PTPRG: variants seen among roughly 807,000 people sequenced by gnomAD.
PTPRG encodes receptor-type tyrosine-protein phosphatase gamma.
PTPRG carries 102 observed loss-of-function variants against 165.3 expected under a neutral mutation model. That is an observed-to-expected ratio of 0.62 (90% CI 0.53 to 0.73). PTPRG has a LOEUF of 0.73. Among genes scored for constraint, PTPRG ranks in the 30% least tolerant of loss-of-function variants. PTPRG has a pLI of 0.00. For missense variants in PTPRG, 1,866 were observed against 1,861.4 expected (o/e 1.00, Z -0.05); for synonymous variants, 675 against 669.5 (o/e 1.01, Z -0.13).
intron 1 of PTPRG, among the ~76,000 whole-genome samples, chr3:61,748,621 A>C (rs914805725): frequency 1.7e-4 from 26 of 152,116 alleles, no homozygotes; most frequent in African/African-American, 6.3e-4. Context: ...AACTAAGATA[A>C]TGTATATGAA....
At chr3:61,798,422 A>G (rs2035124388) in intron 2 of PTPRG, among the ~76,000 whole-genome samples, 1 of 152,164 alleles carries the variant, frequency 6.6e-6, no homozygotes, top group African/African-American at 2.4e-5. Context: ...TATGGACAGT[A>G]ATATCAGGCA....
chr3:62,200,124 G>A (rs941353787), intron 10 of PTPRG, among the ~76,000 whole-genome samples: 16 of 152,218 alleles, frequency 1.1e-4, no homozygotes, highest in African/African-American at 3.6e-4. Flanking sequence ...AATGCGTGTA[G>A]AGTTTCTGTT....
At chr3:61,973,646 A>G (rs1298729902) in intron 2 of PTPRG, among the ~76,000 whole-genome samples, 1 of 152,096 alleles carries the variant, frequency 6.6e-6, no homozygotes, top group Admixed American at 6.5e-5. Flanking sequence ...AGCCTGGCCA[A>G]CGTGGTGAAA....
intron 8 of PTPRG, among the ~76,000 whole-genome samples, chr3:62,176,374 T>C (rs1638282119): frequency 6.6e-6 from 1 of 152,052 alleles, no homozygotes; most frequent in Non-Finnish European, 1.5e-5. Context: ...AGCCAGGAAG[T>C]GGTAGAGCTC....
rs78838573 is a variant in PTPRG, at chr3:61,761,586, G to C, written c.190+12604G>C. 1.4e-4 allele frequency among the ~76,000 whole-genome samples: 21 copies of C among 151,134 alleles called. No individual in the cohort carries two copies. In the East Asian group the frequency reaches 3.0e-3, roughly 21 times the overall value. ...GAGTGAGACTCCGCCTCAAAACAAAGAAACAAACAAACAAACAAACAAACC... is the reference window on the plus strand; with the variant it reads ...GAGTGAGACTCCGCCTCAAAACAAACAAACAAACAAACAAACAAACAAACC... On this transcript the variant is annotated intron_variant, in intron 2 of 29. Transcript: ENST00000474889.
chr3:62,110,536 CT>C (rs1325224024), intron 5 of PTPRG, among the ~76,000 whole-genome samples: 2 of 145,222 alleles, frequency 1.4e-5, no homozygotes, highest in African/African-American at 2.6e-5. Context: ...GGAGTAGATG[CT>C]TTAAAAAAAA....
chr3:61,776,471 C>CATAAG (rs1336510446), intron 2 of PTPRG, among the ~76,000 whole-genome samples: 1 of 152,058 alleles, frequency 6.6e-6, no homozygotes, highest in Non-Finnish European at 1.5e-5. Context: ...TGGTAAGAAC[C>CATAAG]CGTTTGTGTC....
At chr3:61,685,385 G>A (rs1703592113) in intron 1 of PTPRG, among the ~76,000 whole-genome samples, 1 of 152,190 alleles carries the variant, frequency 6.6e-6, no homozygotes, top group African/African-American at 2.4e-5. Context: ...GTCCCAATAG[G>A]GATCTGACTA....
chr3:62,004,051 A>G (rs1400903582), intron 4 of PTPRG, among the ~76,000 whole-genome samples: 1 of 152,112 alleles, frequency 6.6e-6, no homozygotes, highest in African/African-American at 2.4e-5. Flanking sequence ...GCTGGACAGA[A>G]GAAGGGTGTG....
intron 15 of PTPRG, among the ~76,000 whole-genome samples, chr3:62,249,511 T>C (rs981910248): frequency 6.6e-6 from 1 of 152,056 alleles, no homozygotes; most frequent in Admixed American, 6.6e-5. Context: ...TGGGATAGGG[T>C]TGAGAGATCT....
chr3:61,719,894 T>G (rs2031977408), intron 1 of PTPRG, among the ~76,000 whole-genome samples: 1 of 152,172 alleles, frequency 6.6e-6, no homozygotes, highest in South Asian at 2.1e-4. Flanking sequence ...GAGACCCAAC[T>G]TGCTCTTGAC....
intron 2 of PTPRG, among the ~76,000 whole-genome samples, chr3:61,821,285 T>G (rs1431416770): frequency 6.6e-6 from 1 of 152,060 alleles, no homozygotes; most frequent in Non-Finnish European, 1.5e-5. Flanking sequence ...TTCTCCTGCC[T>G]CAGCCTCCCC....
intron 26 of PTPRG, among the ~76,000 whole-genome samples, chr3:62,280,771 A>G (rs944407503): frequency 6.6e-6 from 1 of 152,088 alleles, no homozygotes; most frequent in Non-Finnish European, 1.5e-5. Context: ...CGTTCATTGC[A>G]GCATTATTAG....
Position 62,255,297 on chromosome 3 carries a change from T to G in PTPRG, c.2559+82T>G. 13 of 1,021,682 alleles carry G rather than the reference T, an allele frequency of 1.3e-5. No individual in the cohort carries two copies. Among genetic ancestry groups the G allele is most frequent in the Non-Finnish European group, 1.9e-5 (13 of 672,044 alleles). 63.3% of individuals were successfully genotyped at this position (1,021,682 alleles called of 1,614,324 possible). ...TTTTTGTAAACTTGAACTGAATTCATTCCAAGCATAACAAAACAGTAACTA... is the reference window on the plus strand; with the variant it reads ...TTTTTGTAAACTTGAACTGAATTCAGTCCAAGCATAACAAAACAGTAACTA... On this transcript the variant is annotated intron_variant, in intron 16 of 29. Coordinates refer to ENST00000474889, the MANE Select transcript of PTPRG (RefSeq NM_002841.4). This position sits in a 1 kb window ranked among gnomAD's most constrained non-coding sequence, Gnocchi z 4.0.
At chr3:61,676,471 A>AAAAAAAAAAACAAAAAAAAAAAAAAG (rs369505317) in intron 1 of PTPRG, among the ~76,000 whole-genome samples, 1 of 99,022 alleles carries the variant, frequency 1.0e-5, no homozygotes, top group Non-Finnish European at 2.3e-5. Flanking sequence ...AAAAAAAAAA[A>AAAAAAAAAAACAAAAAAAAAAAAAAG]AAAGAAAATT....
At chr3:61,925,740 C>CT (rs2039192086) in intron 2 of PTPRG, among the ~76,000 whole-genome samples, 1 of 125,838 alleles carries the variant, frequency 7.9e-6, no homozygotes, top group Admixed American at 7.7e-5. Flanking sequence ...GAGACTCTAT[C>CT]TTTAAAAAAA....
chr3:62,177,371 G>A (rs999430687), intron 8 of PTPRG, among the ~76,000 whole-genome samples: 1 of 152,142 alleles, frequency 6.6e-6, no homozygotes, highest in Non-Finnish European at 1.5e-5. Context: ...TTATAGTACA[G>A]GATCTTGGAT....
intron 6 of PTPRG, among the ~76,000 whole-genome samples, chr3:62,146,132 T>C (rs1704111988): frequency 6.6e-6 from 1 of 152,248 alleles, no homozygotes; most frequent in South Asian, 2.1e-4. Context: ...TATGACTCTA[T>C]ATAATTTAAA....
intron 2 of PTPRG, among the ~76,000 whole-genome samples, chr3:61,797,649 A>G (rs2107155336): frequency 7.0e-6 from 1 of 143,378 alleles, no homozygotes; most frequent in South Asian, 2.3e-4. Context: ...CAGGTATGAA[A>G]CTAGGTTTTC....
Sources: gnomAD v4.1 joint callset for allele counts (sites outside exome capture counted in the v4.1 genomes callset) on GRCh38, gnomAD v4.1.1 for gene constraint, Gnocchi (gnomAD v3.1) non-coding constraint, MANE v1.5 for transcripts, NCBI Gene and HGNC (gene_info 2026-07-23, HGNC 2026-07-21) for gene names.